The following MAST2 variants were observed in gnomAD, a reference collection of about 807,000 sequenced individuals.
The protein encoded by MAST2 is microtubule associated serine/threonine kinase 2.
A neutral mutation model predicts 147.4 loss-of-function variants in MAST2; 70 were observed. That is an observed-to-expected ratio of 0.47 (90% CI 0.39 to 0.58). The LOEUF (loss-of-function observed/expected upper bound fraction) is 0.58, where lower values mean the gene tolerates loss of function less well. MAST2 is among the 20% of genes least tolerant of loss of function. MAST2 has a pLI of 0.00. For missense variants in MAST2, 2,080 were observed against 2,302.3 expected (o/e 0.90, Z 1.98); for synonymous variants, 869 against 896.8 (o/e 0.97, Z 0.55).
intron 4 of MAST2, among the ~76,000 whole-genome samples, chr1:45,905,303 G>A (rs1261670281): frequency 1.3e-5 from 2 of 150,944 alleles, no homozygotes; most frequent in East Asian, 3.9e-4. Flanking sequence ...CTCTGCCTCA[G>A]TATCCCAAGT....
intron 3 of MAST2, among the ~76,000 whole-genome samples, chr1:45,844,186 A>G (rs1557826139): frequency 1.3e-5 from 2 of 151,986 alleles, no homozygotes; most frequent in Non-Finnish European, 2.9e-5. Context: ...CGCAGTGTCA[A>G]CCTGCTAGGG....
At chr1:46,019,513 TG>T in intron 10 of MAST2, 82 bp from the exon 11 acceptor site, 1 of 1,055,954 alleles carries the variant, frequency 9.5e-7, no homozygotes, top group Non-Finnish European at 1.4e-6. Flanking sequence ...TGTTTCTCCC[TG>T]GAGTCAGCTC....
At chr1:46,000,970 G>T (rs1277733542) in intron 6 of MAST2, 1 of 1,289,680 alleles carries the variant, frequency 7.8e-7, no homozygotes, top group South Asian at 1.2e-5. Flanking sequence ...CATAGCCACA[G>T]AGCTGACAGG....
In MAST2 at chr1:45,904,174, A is replaced by ATT. The variant is rs34657132; in HGVS notation, c.500+21793_500+21794dup. ...TGCCACTGCACCCAGCTAATTTTTA[A>ATT]TTTTTTTTTTTTTTTGAGACGAAGG... On this transcript the variant is annotated intron_variant, in intron 4 of 28. Coordinates refer to ENST00000361297, the MANE Select transcript of MAST2 (RefSeq NM_015112.3). 4.0e-3 allele frequency among the ~76,000 whole-genome samples: 559 copies of ATT among 141,376 alleles called. 8 individuals carry two copies. In the East Asian group the frequency reaches 0.05, roughly 13 times the overall value. The allele number at this position is 141,376 out of a possible 152,430, so 92.7% of individuals were successfully genotyped here. A position where few individuals can be genotyped will look rare whatever the true frequency, so the allele number is the denominator to read the frequency against.
At chr1:45,850,864 G>T (rs796251624) in intron 3 of MAST2, among the ~76,000 whole-genome samples, 58 of 126,606 alleles carry the variant, frequency 4.6e-4, no homozygotes, top group African/African-American at 1.4e-3. Flanking sequence ...TTTAAACACT[G>T]TAGCCTTATA....
intron 4 of MAST2, among the ~76,000 whole-genome samples, chr1:45,914,193 AAATACAAACCCCGTG>A (rs1652106627): frequency 6.6e-6 from 1 of 152,226 alleles, no homozygotes; most frequent in South Asian, 2.1e-4. Flanking sequence ...TCAAGGCTGC[AAATACAAACCCCGTG>A]AATGTGAGAA....
chr1:45,982,828 T>C (rs1389411205), intron 5 of MAST2, among the ~76,000 whole-genome samples: 1 of 152,166 alleles, frequency 6.6e-6, no homozygotes, highest in Non-Finnish European at 1.5e-5. Flanking sequence ...GGCAGTCTTG[T>C]TGAGGACTTT....
At chr1:45,980,034 C>A (rs1644336192) in intron 5 of MAST2, among the ~76,000 whole-genome samples, 1 of 152,140 alleles carries the variant, frequency 6.6e-6, no homozygotes, top group African/African-American at 2.4e-5. Context: ...GCCTGTAATC[C>A]AGCACTTTGG....
At chr1:45,858,039 T>C (rs941855460) in intron 3 of MAST2, among the ~76,000 whole-genome samples, 1 of 152,162 alleles carries the variant, frequency 6.6e-6, no homozygotes, top group East Asian at 1.9e-4. Flanking sequence ...TGGTTCCAAG[T>C]CTTTGCTATT....
chr1:46,034,686 C>T lies in MAST2; in HGVS notation c.4017C>T (p.Gly1339=), dbSNP rs1005108897. ...GCTCTCCACGGCGCAAGTCAGCAGG[C>T]AGCATCCCACTGTCACCACTGGCCC... is the stretch of plus-strand genomic sequence containing the variant. The part of the protein sequence containing the change: ...QYRSPRRKSA[G]SIPLSPLAHT... The change falls in exon 29 of 29, where the codon GGC becomes GGT. Residue 1339 remains glycine (G), a synonymous_variant. Coordinates refer to ENST00000361297, the MANE Select transcript of MAST2 (RefSeq NM_015112.3). The T allele has an allele frequency of 6.2e-7, 1 of 1,614,060 alleles. No homozygotes were observed. The highest frequency in any genetic ancestry group is 8.5e-7 in the Non-Finnish European group (1 of 1,180,032).
intron 1 of MAST2, among the ~76,000 whole-genome samples, chr1:45,806,928 G>T (rs1344362280): frequency 2.0e-5 from 3 of 152,072 alleles, no homozygotes; most frequent in Non-Finnish European, 4.4e-5. Flanking sequence ...GGCTAGCCTC[G>T]AACTCCTGGG....
chr1:45,877,020 A>G (rs1017605500), intron 3 of MAST2, among the ~76,000 whole-genome samples: 2 of 152,218 alleles, frequency 1.3e-5, no homozygotes, highest in African/African-American at 4.8e-5. Context: ...AAAAGAGGAT[A>G]TATTACCTTA....
At chr1:45,963,548 G>T (rs1660742855) in intron 5 of MAST2, among the ~76,000 whole-genome samples, 1 of 152,194 alleles carries the variant, frequency 6.6e-6, no homozygotes, top group African/African-American at 2.4e-5. Flanking sequence ...GTTCACTCAT[G>T]ATTTGGCTCT....
At chr1:45,929,505 A>G (rs1467861309) in intron 4 of MAST2, among the ~76,000 whole-genome samples, 5 of 152,192 alleles carry the variant, frequency 3.3e-5, no homozygotes, top group Non-Finnish European at 7.3e-5. Flanking sequence ...AATTATCTGT[A>G]GTAGTCATGC....
At chr1:45,908,199 A>T (rs1363628062) in intron 4 of MAST2, among the ~76,000 whole-genome samples, 1 of 151,686 alleles carries the variant, frequency 6.6e-6, no homozygotes, top group Non-Finnish European at 1.5e-5. Context: ...AAGTTTTTTT[A>T]AATTGTTTTT....
chr1:45,860,833 C>CAA (rs886432267), intron 3 of MAST2, among the ~76,000 whole-genome samples: 1 of 145,334 alleles, frequency 6.9e-6, no homozygotes, highest in East Asian at 2.0e-4. Flanking sequence ...ACTCCGTCTC[C>CAA]AAAAAAAAAA....
chr1:45,854,336 C>CAAA (rs61252218), intron 3 of MAST2, among the ~76,000 whole-genome samples: 1 of 128,738 alleles, frequency 7.8e-6, no homozygotes, highest in East Asian at 2.2e-4. Flanking sequence ...CCCTCTGTCT[C>CAAA]AAAAAAAAAA....
intron 4 of MAST2, among the ~76,000 whole-genome samples, chr1:45,896,358 G>A (rs565562469): frequency 1.3e-5 from 2 of 151,968 alleles, no homozygotes; most frequent in South Asian, 4.2e-4. Context: ...AATATTTACC[G>A]GTTTATAGGA....
At chr1:45,959,297 G>A in intron 4 of MAST2, 89 bp from the exon 5 acceptor site, 1 of 936,396 alleles carries the variant, frequency 1.1e-6, no homozygotes, top group Non-Finnish European at 1.7e-6. Flanking sequence ...CCGTGGAATG[G>A]TGTCCCTCTT....
Sources: allele counts gnomAD v4.1 joint callset (sites outside exome capture counted in the v4.1 genomes callset), GRCh38; gene constraint gnomAD v4.1.1; transcripts MANE v1.5; gene names NCBI Gene and HGNC (gene_info 2026-07-23, HGNC 2026-07-21).